ARHGAP21: variants seen among roughly 807,000 people sequenced by gnomAD.
ARHGAP21 encodes the protein rho GTPase-activating protein 21.
In ARHGAP21, 38 loss-of-function variants were observed where a neutral mutation model predicts 164.6. The observed-to-expected ratio is 0.23, with a 90% CI of 0.18 to 0.30. The LOEUF is 0.30. Among genes scored for constraint, ARHGAP21 ranks in the 10% least tolerant of loss-of-function variants. ARHGAP21 has a pLI of 1.00. For synonymous variants in ARHGAP21, 766 were observed against 857.9 expected, an observed-to-expected ratio of 0.89 and a Z score of 1.87; for missense variants, 1,822 against 2,370.7, an observed-to-expected ratio of 0.77 and a Z score of 4.81.
chr10:24,585,408 G>C lies in ARHGAP21; in HGVS notation c.4881C>G (p.Ile1627Met). ...DEADDERSEL[I>M]SEGRPVETDS... ...CGGTTTCCACAGGCCGCCCTTCACT[G>C]ATGAGTTCGCTTCTCTCGTCATCTG... The change falls in exon 26 of 26, where the codon ATC becomes ATG. Residue 1627 changes from isoleucine (I) to methionine (M), a missense_variant. By Grantham distance (10) the Ile-to-Met change is conservative (BLOSUM62 1). Coordinates refer to ENST00000396432, the MANE Select transcript of ARHGAP21 (RefSeq NM_020824.4). 2 of 1,614,036 alleles carry C rather than the reference G, an allele frequency of 1.2e-6. No individual in the cohort carries two copies. The highest frequency in any genetic ancestry group is 1.7e-6 in the Non-Finnish European group (2 of 1,180,036).
chr10:24,615,942 T>A (rs930414856), intron 9 of ARHGAP21, among the ~76,000 whole-genome samples: 21 of 152,064 alleles, frequency 1.4e-4, no homozygotes, highest in African/African-American at 4.6e-4. Context: ...CCAGCTAATA[T>A]TTTTGTATTT....
chr10:24,686,160 G>A (rs1047622855), intron 2 of ARHGAP21, among the ~76,000 whole-genome samples: 1 of 152,158 alleles, frequency 6.6e-6, no homozygotes, highest in Non-Finnish European at 1.5e-5. Flanking sequence ...GCCGGACATG[G>A]TGAGTCATGC....
chr10:24,645,290 A>G (rs1165119674), intron 4 of ARHGAP21, among the ~76,000 whole-genome samples: 1 of 152,168 alleles, frequency 6.6e-6, no homozygotes, highest in Non-Finnish European at 1.5e-5. Flanking sequence ...ACTGACTTCA[A>G]AAAGTTCCAG....
intron 21 of ARHGAP21, among the ~76,000 whole-genome samples, chr10:24,592,745 A>G (rs1474385675): frequency 1.3e-5 from 2 of 149,338 alleles, no homozygotes; most frequent in South Asian, 2.1e-4. Context: ...GAAGAAAAAA[A>G]GAAAAAAAAA....
At chr10:24,714,675 G>A (rs1218980605) in intron 2 of ARHGAP21, among the ~76,000 whole-genome samples, 2 of 152,098 alleles carry the variant, frequency 1.3e-5, no homozygotes, top group Non-Finnish European at 2.9e-5. Flanking sequence ...AAATAATAGA[G>A]TTATACCATA....
chr10:24,657,836 C>T lies in ARHGAP21; in HGVS notation c.268+9149G>A, dbSNP rs1400046310. Among the ~76,000 whole-genome samples, 9 of 125,376 alleles carry T rather than the reference C, an allele frequency of 7.2e-5. No individual in the cohort carries two copies. The South Asian group carries it at 2.8e-3, about 39-fold the overall frequency. The allele number at this position is 125,376 out of a possible 152,430, so 82.3% of individuals were successfully genotyped here. ...GCGGTGCAAGATGTGCTTTGTTAAA[C>T]AGATGCTTGAAGGCAGCATGCTCGT... On this transcript the variant is annotated intron_variant, in intron 4 of 25. Coordinates refer to ENST00000396432, the MANE Select transcript of ARHGAP21 (RefSeq NM_020824.4).
At position 24,595,783 on chromosome 10, in the gene ARHGAP21, A is replaced by T. The variant is rs776383354; in HGVS notation, c.3646T>A (p.Leu1216Met). The change falls in exon 19 of 26, where the codon TTG (leucine) becomes ATG (methionine). Residue 1216 changes from leucine to methionine, a missense_variant. Around this residue, in one of 5 missense-constraint regions of ARHGAP21, gnomAD observed 117 missense variants for 238.1 expected, o/e 0.49. Transcript: ENST00000396432. ...IDIQDDKWRD[L>M]NVISSLLKSF... is the part of the protein sequence containing the mutation. ...TTTAGTAAACTGCTTATCACATTCA[A>T]ATCTCGCCATTTCTAGGTGTACAAA... 1.9e-6 allele frequency: 3 copies of T among 1,613,682 alleles called. 1 individual carries two copies. The South Asian group carries it at 3.3e-5, about 18-fold the overall frequency.
At chr10:24,714,122 A>T (rs1845128406) in intron 2 of ARHGAP21, among the ~76,000 whole-genome samples, 1 of 152,252 alleles carries the variant, frequency 6.6e-6, no homozygotes, top group Admixed American at 6.5e-5. Context: ...AACTAGACAG[A>T]AAAACAAGTG....
At chr10:24,592,253 GA>G (rs981473260) in intron 21 of ARHGAP21, among the ~76,000 whole-genome samples, 1 of 142,224 alleles carries the variant, frequency 7.0e-6, no homozygotes, top group Non-Finnish European at 1.5e-5. Context: ...ACTCTCGATA[GA>G]ATCTTATTAT....
intron 9 of ARHGAP21, among the ~76,000 whole-genome samples, chr10:24,608,204 A>G (rs1456780108): frequency 6.6e-6 from 1 of 152,214 alleles, no homozygotes; most frequent in Admixed American, 6.5e-5. Context: ...ACCTAAACCC[A>G]TCAAACCAGA....
At chr10:24,683,994 C>CA (rs1202773882) in intron 2 of ARHGAP21, among the ~76,000 whole-genome samples, 1 of 152,084 alleles carries the variant, frequency 6.6e-6, no homozygotes, top group East Asian at 1.9e-4. Flanking sequence ...CTAAAAAAGA[C>CA]AGAAAGCCTA....
chr10:24,586,672 G>C (rs1458601196), intron 25 of ARHGAP21, among the ~76,000 whole-genome samples: 2 of 152,178 alleles, frequency 1.3e-5, no homozygotes, highest in East Asian at 3.8e-4. Flanking sequence ...AGTTCATTCA[G>C]GCAGGATCTT....
At chr10:24,659,873 G>T (rs565651778) in intron 4 of ARHGAP21, among the ~76,000 whole-genome samples, 11 of 152,280 alleles carry the variant, frequency 7.2e-5, no homozygotes, top group African/African-American at 2.6e-4. Context: ...GTCCAGTTCT[G>T]CCACCTGCTA....
At chr10:24,596,377 C>T (rs934985059) in intron 17 of ARHGAP21, 3 of 441,666 alleles carry the variant, frequency 6.8e-6, no homozygotes, top group Non-Finnish European at 1.2e-5. Context: ...ATTCATGATA[C>T]GAATCCTAGC....
intron 24 of ARHGAP21, chr10:24,590,942 A>T: frequency 1.8e-4 from 52 of 288,578 alleles, no homozygotes; most frequent in Non-Finnish European, 2.5e-4. Flanking sequence ...CTGTGAATTA[A>T]AAAAAAAAAA....
At chr10:24,638,295 A>G (rs1836597879) in intron 4 of ARHGAP21, among the ~76,000 whole-genome samples, 1 of 152,188 alleles carries the variant, frequency 6.6e-6, no homozygotes, top group Non-Finnish European at 1.5e-5. Context: ...TTCACTATGA[A>G]ATATACTTTT....
At chr10:24,645,199 C>T (rs1837438834) in intron 4 of ARHGAP21, among the ~76,000 whole-genome samples, 1 of 152,126 alleles carries the variant, frequency 6.6e-6, no homozygotes, top group Non-Finnish European at 1.5e-5. Flanking sequence ...TGCCATTTTT[C>T]CTTCCTCCTG....
chr10:24,701,929 G>A (rs1007670838), intron 2 of ARHGAP21, among the ~76,000 whole-genome samples: 1 of 152,122 alleles, frequency 6.6e-6, no homozygotes, highest in African/African-American at 2.4e-5. Context: ...ATGTGGCTGT[G>A]TAATAACAGC....
At chr10:24,677,379 A>G (rs925858230) in intron 2 of ARHGAP21, among the ~76,000 whole-genome samples, 3 of 152,220 alleles carry the variant, frequency 2.0e-5, no homozygotes, top group Non-Finnish European at 2.9e-5. Flanking sequence ...CAAATAATGG[A>G]GCATTGGAAA....
Sources: allele counts gnomAD v4.1 joint callset (sites outside exome capture counted in the v4.1 genomes callset), GRCh38; gene constraint gnomAD v4.1.1; regional missense constraint gnomAD v4.1.1; transcripts MANE v1.5; gene names NCBI Gene and HGNC (gene_info 2026-07-23, HGNC 2026-07-21).